The following DSCAML1 variants were observed in gnomAD, a reference collection of about 807,000 sequenced individuals.
DSCAML1 encodes DS cell adhesion molecule like 1, also known as cell adhesion molecule DSCAML1.
In DSCAML1, 38 loss-of-function variants were observed where a neutral mutation model predicts 200.5. That is an observed-to-expected ratio of 0.19 (90% CI 0.15 to 0.25). The LOEUF (loss-of-function observed/expected upper bound fraction) is 0.25, where lower values mean the gene tolerates loss of function less well. DSCAML1 is among the 10% of genes least tolerant of loss of function. DSCAML1 has a pLI of 1.00. For missense variants in DSCAML1, 2,223 were observed against 2,858.8 expected, an observed-to-expected ratio of 0.78 and a Z score of 5.07; for synonymous variants, 1,215 against 1,165.0, an observed-to-expected ratio of 1.04 and a Z score of -0.87.
intron 3 of DSCAML1, among the ~76,000 whole-genome samples, chr11:117,697,798 G>T (rs1462231529): frequency 6.8e-6 from 1 of 148,072 alleles, no homozygotes; most frequent in Non-Finnish European, 1.5e-5. Flanking sequence ...TTTAGACGGA[G>T]TCTCGCTCTG....
intron 3 of DSCAML1, among the ~76,000 whole-genome samples, chr11:117,683,826 A>C (rs2053353336): frequency 6.6e-6 from 1 of 152,194 alleles, no homozygotes; most frequent in African/African-American, 2.4e-5. Flanking sequence ...CATAGGCAGT[A>C]TGGAATAAAT....
chr11:117,708,209 T>C (rs949222323), intron 3 of DSCAML1, among the ~76,000 whole-genome samples: 5 of 152,158 alleles, frequency 3.3e-5, no homozygotes, highest in African/African-American at 7.2e-5. Context: ...TTTAAACCTG[T>C]CTAGTTGAAC....
chr11:117,545,276 G>T (rs1274428067), intron 3 of DSCAML1, among the ~76,000 whole-genome samples: 1 of 151,486 alleles, frequency 6.6e-6, no homozygotes, highest in Non-Finnish European at 1.5e-5. Flanking sequence ...ACAAGGATGT[G>T]CACACACAGA....
At chr11:117,728,892 A>T (rs760796340) in intron 3 of DSCAML1, among the ~76,000 whole-genome samples, 4 of 152,262 alleles carry the variant, frequency 2.6e-5, no homozygotes, top group Non-Finnish European at 5.9e-5. Flanking sequence ...CCCTAGCAGA[A>T]TTCCAGCTGG....
intron 3 of DSCAML1, among the ~76,000 whole-genome samples, chr11:117,564,079 A>G (rs1311735101): frequency 3.9e-5 from 6 of 152,212 alleles, no homozygotes; most frequent in Admixed American, 3.3e-4. Flanking sequence ...TCCCTGCCAC[A>G]TAGTTTTCCA....
chr11:117,702,083 C>T (rs1185330475), intron 3 of DSCAML1, among the ~76,000 whole-genome samples: 1 of 152,232 alleles, frequency 6.6e-6, no homozygotes, highest in Admixed American at 6.5e-5. Flanking sequence ...CTGGCCACTT[C>T]CTGTGTGGCT....
intron 3 of DSCAML1, among the ~76,000 whole-genome samples, chr11:117,770,918 G>A (rs1003590996): frequency 4.6e-5 from 7 of 152,182 alleles, no homozygotes; most frequent in African/African-American, 2.4e-5. Flanking sequence ...GAAATACAAA[G>A]GTGCCCCATG....
intron 3 of DSCAML1, among the ~76,000 whole-genome samples, chr11:117,561,135 T>C (rs1372408410): frequency 6.6e-6 from 1 of 152,140 alleles, no homozygotes; most frequent in Non-Finnish European, 1.5e-5. Flanking sequence ...TGGGCAGCAC[T>C]GGAGCACCTG....
chr11:117,458,695 G>A (rs1393973836), intron 19 of DSCAML1, 59 bp downstream of exon 19: 3 of 1,587,506 alleles, frequency 1.9e-6, no homozygotes, highest in African/African-American at 1.3e-5. Context: ...CTGGGGTGGG[G>A]CTGGGGGTTA....
chr11:117,437,028 T>C lies in DSCAML1; in HGVS notation c.4720+94A>G. ...CCTGCATTCCTGCCTGTTTTTCTAT[T>C]AGTCTGTCTCTTTATGTATCTGCCA... On this transcript the variant is annotated intron_variant, in intron 26 of 32. Coordinates refer to ENST00000651296, the MANE Select transcript of DSCAML1 (RefSeq NM_020693.4). This position sits in a 1 kb window ranked among gnomAD's most constrained non-coding sequence, Gnocchi z 5.3. The C allele has an allele frequency of 2.7e-6, 4 of 1,475,544 alleles. No individual in the cohort carries two copies. Among genetic ancestry groups the C allele is most frequent in the Non-Finnish European group, 3.6e-6 (4 of 1,102,536 alleles). The allele number at this position is 1,475,544 out of a possible 1,614,324, so 91.4% of individuals were successfully genotyped here. A position where few individuals can be genotyped will look rare whatever the true frequency, so the allele number is the denominator to read the frequency against.
In DSCAML1 at chr11:117,437,581, G is replaced by A. The variant is rs1328872803; in HGVS notation, c.4433-172C>T. ...AGCCCCAGGGCGCAGAGGAGGAAGAGGAGGGGAGGGAGGAGAGGGAAGAAA... is the reference window on the plus strand; with the variant it reads ...AGCCCCAGGGCGCAGAGGAGGAAGAAGAGGGGAGGGAGGAGAGGGAAGAAA... On this transcript the variant is annotated intron_variant, in intron 25 of 32. Coordinates refer to ENST00000651296, the MANE Select transcript of DSCAML1 (RefSeq NM_020693.4). This position sits in a 1 kb window ranked among gnomAD's most constrained non-coding sequence, Gnocchi z 5.3. 6.6e-6 allele frequency among the ~76,000 whole-genome samples: 1 copy of A among 152,162 alleles called. No individual in the cohort carries two copies. Among genetic ancestry groups the A allele is most frequent in the Non-Finnish European group, 1.5e-5 (1 of 68,012 alleles).
At chr11:117,612,784 C>T (rs978375192) in intron 3 of DSCAML1, among the ~76,000 whole-genome samples, 7 of 152,182 alleles carry the variant, frequency 4.6e-5, no homozygotes, top group African/African-American at 7.2e-5. Context: ...TGCAGAGCAC[C>T]CTGCTCTGGA....
At chr11:117,517,813 C>T (rs2049804547) in intron 7 of DSCAML1, among the ~76,000 whole-genome samples, 1 of 152,232 alleles carries the variant, frequency 6.6e-6, no homozygotes, top group Admixed American at 6.5e-5. Flanking sequence ...GTTCTCACCA[C>T]AGTGACTTGA....
intron 20 of DSCAML1, among the ~76,000 whole-genome samples, chr11:117,447,604 GTATTA>G (rs1396338825): frequency 1.3e-5 from 2 of 152,146 alleles, no homozygotes; most frequent in African/African-American, 4.8e-5. Flanking sequence ...AGTGAAAAAT[GTATTA>G]TATTATTAGT....
At chr11:117,816,278 C>T (rs1349786477) in intron 1 of DSCAML1, among the ~76,000 whole-genome samples, 1 of 152,176 alleles carries the variant, frequency 6.6e-6, no homozygotes, top group African/African-American at 2.4e-5. Flanking sequence ...CTCAGCACTG[C>T]CCTCCCAATG....
intron 1 of DSCAML1, among the ~76,000 whole-genome samples, chr11:117,813,411 C>T (rs1565296830): frequency 6.6e-6 from 1 of 152,168 alleles, no homozygotes; most frequent in Non-Finnish European, 1.5e-5. Flanking sequence ...GTTTACACTG[C>T]CGGTTTATAC....
chr11:117,546,378 G>C (rs964389046), intron 3 of DSCAML1, among the ~76,000 whole-genome samples: 16 of 152,242 alleles, frequency 1.1e-4, no homozygotes, highest in Non-Finnish European at 1.8e-4. Flanking sequence ...ACCCAGCGCA[G>C]TGCCTGGTAC....
chr11:117,469,894 C>T lies in DSCAML1; in HGVS notation c.3024+16G>A. ...GCAAGCAGACATTCCAGGGGAGATG[C>T]CTTAGACACACTTACCTTCCAGGTC... On this transcript the variant is annotated intron_variant, in intron 16 of 32. Transcript: ENST00000651296. The surrounding 1 kb of genome is among the most constrained non-coding windows in gnomAD (Gnocchi z 4.1). The T allele has an allele frequency of 6.3e-7, 1 of 1,598,618 alleles. No individual in the cohort carries two copies. The highest frequency in any genetic ancestry group is 8.5e-7 in the Non-Finnish European group (1 of 1,170,448).
At chr11:117,631,954 G>A (rs1214472185) in intron 3 of DSCAML1, among the ~76,000 whole-genome samples, 1 of 152,202 alleles carries the variant, frequency 6.6e-6, no homozygotes, top group Admixed American at 6.5e-5. Flanking sequence ...TCTTAGAGGA[G>A]CGGCAAAGCC....
Sources: gnomAD v4.1 joint callset for allele counts (sites outside exome capture counted in the v4.1 genomes callset) on GRCh38, gnomAD v4.1.1 for gene constraint, Gnocchi (gnomAD v3.1) non-coding constraint, MANE v1.5 for transcripts, NCBI Gene and HGNC (gene_info 2026-07-23, HGNC 2026-07-21) for gene names.